The following MAP2K6 variants were observed in gnomAD, a reference collection of about 807,000 sequenced individuals.
MAP2K6 encodes the protein dual specificity mitogen-activated protein kinase kinase 6.
A neutral mutation model predicts 53.7 loss-of-function variants in MAP2K6; 16 were observed. That is an observed-to-expected ratio of 0.30 (90% CI 0.20 to 0.45). The LOEUF (loss-of-function observed/expected upper bound fraction) is 0.45, where lower values mean the gene tolerates loss of function less well. Among genes scored for constraint, MAP2K6 ranks in the 20% least tolerant of loss-of-function variants. The pLI is 1.00. For synonymous variants in MAP2K6, 132 were observed against 143.1 expected, an observed-to-expected ratio of 0.92 and a Z score of 0.55; for missense variants, 204 against 411.9, an observed-to-expected ratio of 0.50 and a Z score of 4.37.
intron 1 of MAP2K6, among the ~76,000 whole-genome samples, chr17:69,440,477 C>T (rs1474839650): frequency 1.3e-5 from 2 of 152,156 alleles, no homozygotes; most frequent in East Asian, 3.9e-4. Context: ...CTTTTCAATA[C>T]CACCCATTCT....
intron 11 of MAP2K6, among the ~76,000 whole-genome samples, chr17:69,538,408 C>T (rs781003106): frequency 2.0e-5 from 3 of 152,154 alleles, no homozygotes; most frequent in African/African-American, 4.8e-5. Context: ...TGTCAGTCCC[C>T]CTTTTCTTCT....
intron 1 of MAP2K6, among the ~76,000 whole-genome samples, chr17:69,503,259 C>T (rs535945952): frequency 6.6e-6 from 1 of 152,256 alleles, no homozygotes; most frequent in Admixed American, 6.5e-5. Context: ...AGAATCTCAT[C>T]GAAAGTAACA....
At chr17:69,476,874 C>T (rs185695765) in intron 1 of MAP2K6, among the ~76,000 whole-genome samples, 5 of 152,248 alleles carry the variant, frequency 3.3e-5, no homozygotes, top group Admixed American at 2.0e-4. Flanking sequence ...CCCACAATAC[C>T]GAGCCCACAT....
At chr17:69,437,446 A>G (rs1906684824) in intron 1 of MAP2K6, among the ~76,000 whole-genome samples, 2 of 152,126 alleles carry the variant, frequency 1.3e-5, no homozygotes, top group South Asian at 4.2e-4. Context: ...GTGGAGAGGA[A>G]GGCAGGAGAG....
chr17:69,503,354 A>G (rs765631792), intron 1 of MAP2K6, among the ~76,000 whole-genome samples: 8 of 152,394 alleles, frequency 5.2e-5, no homozygotes, highest in Non-Finnish European at 8.8e-5. Context: ...AACTGGGTCC[A>G]GCACCTAGCA....
In MAP2K6 at chr17:69,553,261, C is replaced by G. The variant is rs1912169464; in HGVS notation, c.*11508C>G. The G allele has an allele frequency of 6.6e-6, 1 of 152,236 alleles. No individual in the cohort carries two copies. Among genetic ancestry groups the G allele is most frequent in the African/African-American group, 2.4e-5 (1 of 41,546 alleles). 9.4% of individuals were successfully genotyped at this position (152,236 alleles called of 1,614,324 possible). On this transcript the variant is annotated 3_prime_UTR_variant, in exon 12 of 12. Transcript: ENST00000590474. ...TCCCATCACATCTAGTAAAAAACAACCTTTTCATTTCCCTCCTTTCTAATC... is the reference window on the plus strand; with the variant it reads ...TCCCATCACATCTAGTAAAAAACAAGCTTTTCATTTCCCTCCTTTCTAATC...
intron 1 of MAP2K6, among the ~76,000 whole-genome samples, chr17:69,496,058 A>G (rs1298018063): frequency 6.6e-6 from 1 of 151,284 alleles, no homozygotes; most frequent in African/African-American, 2.4e-5. Context: ...AATTGTTAAC[A>G]TGACATAAAA....
At position 69,415,718 on chromosome 17, in the gene MAP2K6, A is replaced by G. The variant is rs188536618; in HGVS notation, c.16+718A>G. Among the ~76,000 whole-genome samples the G allele has an allele frequency of 4.3e-4, 65 of 152,240 alleles. 1 individual carries two copies. The highest frequency in any genetic ancestry group is 8.2e-4 in the Non-Finnish European group (56 of 68,018). ...GGGGATGCTTTGCATCTTGGGGGAA[A>G]ATATTGGGGGTAAAACTGTACTTTT... On this transcript the variant is annotated intron_variant, in intron 1 of 11. Coordinates refer to ENST00000590474, the MANE Select transcript of MAP2K6 (RefSeq NM_002758.4).
In MAP2K6 at chr17:69,469,476, A is replaced by ATAGGGGTC. The variant is rs528222904; in HGVS notation, c.17-36303_17-36296dup. Among the ~76,000 whole-genome samples, 186 of 152,336 alleles carry ATAGGGGTC rather than the reference A, an allele frequency of 1.2e-3. 1 individual carries two copies. Among genetic ancestry groups the ATAGGGGTC allele is most frequent in the African/African-American group, 4.3e-3 (179 of 41,584 alleles). On this transcript the variant is annotated intron_variant, in intron 1 of 11. Coordinates refer to ENST00000590474, the MANE Select transcript of MAP2K6 (RefSeq NM_002758.4). ...GTAGAGTCAAATGAGAAAAGTATCT[A>ATAGGGGTC]TAGGGGTCCAGGTGCGGTGGTGCAC...
intron 1 of MAP2K6, chr17:69,485,302 AT>A (rs982384643): frequency 2.2e-4 from 35 of 156,360 alleles, no homozygotes; most frequent in Non-Finnish European, 3.9e-4. Context: ...CTTCTGAGTC[AT>A]TTTTTTTTTC....
At chr17:69,436,653 C>T (rs765904716) in intron 1 of MAP2K6, among the ~76,000 whole-genome samples, 2 of 152,052 alleles carry the variant, frequency 1.3e-5, no homozygotes, top group Non-Finnish European at 2.9e-5. Flanking sequence ...TTTCCTCTTC[C>T]TTCTTCTCAT....
chr17:69,509,829 G>T (rs1300348582), intron 2 of MAP2K6, among the ~76,000 whole-genome samples: 1 of 151,794 alleles, frequency 6.6e-6, no homozygotes, highest in Non-Finnish European at 1.5e-5. Flanking sequence ...ATACTGAGAG[G>T]TTCTTTTTGA....
At chr17:69,511,681 G>GT (rs1909826157) in intron 2 of MAP2K6, among the ~76,000 whole-genome samples, 1 of 152,212 alleles carries the variant, frequency 6.6e-6, no homozygotes, top group African/African-American at 2.4e-5. Flanking sequence ...GCTCCAAGCT[G>GT]TTGAGCATAG....
At chr17:69,502,625 A>C (rs1338690956) in intron 1 of MAP2K6, 8 of 985,246 alleles carry the variant, frequency 8.1e-6, no homozygotes, top group Non-Finnish European at 9.6e-6. Context: ...ATACATAGTC[A>C]AGGGTTTAGA....
chr17:69,490,818 A>G (rs144185674), intron 1 of MAP2K6, among the ~76,000 whole-genome samples: 109 of 152,112 alleles, frequency 7.2e-4, no homozygotes, highest in Non-Finnish European at 1.3e-3. Context: ...TCATTACCCA[A>G]GTATTAAGCC....
intron 2 of MAP2K6, among the ~76,000 whole-genome samples, chr17:69,513,790 C>T (rs1015957396): frequency 6.6e-5 from 10 of 152,184 alleles, no homozygotes; most frequent in Admixed American, 6.5e-4. Flanking sequence ...ACAGTTGCAG[C>T]CCCAAATAAT....
chr17:69,420,708 C>T (rs942707565), intron 1 of MAP2K6, among the ~76,000 whole-genome samples: 19 of 151,008 alleles, frequency 1.3e-4, no homozygotes, highest in African/African-American at 3.4e-4. Flanking sequence ...CTAAACCACA[C>T]GTGAACACTA....
At chr17:69,485,935 G>A (rs1650266567) in intron 1 of MAP2K6, among the ~76,000 whole-genome samples, 1 of 152,138 alleles carries the variant, frequency 6.6e-6, no homozygotes, top group Admixed American at 6.5e-5. Context: ...AGATGTTTAT[G>A]TCTTTCTCAA....
intron 1 of MAP2K6, among the ~76,000 whole-genome samples, chr17:69,431,132 T>A (rs1203786398): frequency 6.6e-6 from 1 of 152,168 alleles, no homozygotes; most frequent in Non-Finnish European, 1.5e-5. Flanking sequence ...AGGCAATATT[T>A]ATCTTCTTTT....
Sources: gnomAD v4.1 joint callset for allele counts (sites outside exome capture counted in the v4.1 genomes callset) on GRCh38, gnomAD v4.1.1 for gene constraint, MANE v1.5 for transcripts, NCBI Gene and HGNC (gene_info 2026-07-23, HGNC 2026-07-21) for gene names.